The following UBE2E2 variants were observed in gnomAD, a reference collection of about 807,000 sequenced individuals.
UBE2E2 encodes ubiquitin-conjugating enzyme E2 E2.
A neutral mutation model predicts 24.7 loss-of-function variants in UBE2E2; 6 were observed. The ratio of observed to expected loss-of-function variants is 0.24; its 90% CI spans 0.13 to 0.48. UBE2E2 has a LOEUF of 0.48. Among genes scored for constraint, UBE2E2 ranks in the 20% least tolerant of loss-of-function variants. The pLI is 0.99. For synonymous variants in UBE2E2, 104 were observed against 83.6 expected (o/e 1.24, Z -1.33); for missense variants, 169 against 245.0 (o/e 0.69, Z 2.07).
At chr3:23,506,522 C>T (rs926943762) in intron 4 of UBE2E2, among the ~76,000 whole-genome samples, 53 of 152,190 alleles carry the variant, frequency 3.5e-4, no homozygotes, top group African/African-American at 1.3e-3. Context: ...AAACATTTCT[C>T]ACCATCTTTC....
intron 3 of UBE2E2, among the ~76,000 whole-genome samples, chr3:23,299,901 A>G (rs1192456178): frequency 6.6e-6 from 1 of 152,096 alleles, no homozygotes; most frequent in Non-Finnish European, 1.5e-5. Context: ...GTCTCCCATT[A>G]TTAGTGTGTG....
intron 5 of UBE2E2, among the ~76,000 whole-genome samples, chr3:23,570,126 A>G (rs559377350): frequency 3.9e-5 from 6 of 152,278 alleles, no homozygotes; most frequent in Non-Finnish European, 7.4e-5. Flanking sequence ...CTCCATCAAA[A>G]TGCGAGGAAC....
chr3:23,383,976 G>A (rs534618660), intron 3 of UBE2E2, among the ~76,000 whole-genome samples: 12 of 151,192 alleles, frequency 7.9e-5, no homozygotes, highest in South Asian at 2.1e-4. Flanking sequence ...AGCCCTTAAC[G>A]TGCTCAAAGT....
intron 3 of UBE2E2, among the ~76,000 whole-genome samples, chr3:23,416,719 C>T (rs911161314): frequency 6.6e-6 from 1 of 152,240 alleles, no homozygotes; most frequent in South Asian, 2.1e-4. Context: ...TTCACATAGT[C>T]CCATATTTCT....
chr3:23,522,191 C>T (rs1008793105), intron 4 of UBE2E2, among the ~76,000 whole-genome samples: 2 of 143,434 alleles, frequency 1.4e-5, no homozygotes. Flanking sequence ...AGTGCAGTGG[C>T]ACGATCTCAG....
At chr3:23,272,252 C>A (rs996405219) in intron 3 of UBE2E2, among the ~76,000 whole-genome samples, 1 of 152,212 alleles carries the variant, frequency 6.6e-6, no homozygotes, top group South Asian at 2.1e-4. Context: ...GCTCCCTGGC[C>A]TGGGTGCTAA....
At chr3:23,264,129 A>T (rs36060079) in intron 3 of UBE2E2, among the ~76,000 whole-genome samples, 11,316 of 152,244 alleles carry the variant, frequency 0.074, 545 homozygotes, top group Non-Finnish European at 0.092. Flanking sequence ...AGAGTTAAGT[A>T]TCTTACCAAA....
intron 5 of UBE2E2, among the ~76,000 whole-genome samples, chr3:23,549,531 G>A (rs1229532790): frequency 1.3e-5 from 2 of 152,172 alleles, no homozygotes; most frequent in Non-Finnish European, 2.9e-5. Flanking sequence ...TAACTAGCTA[G>A]TGACCTTGGA....
intron 3 of UBE2E2, among the ~76,000 whole-genome samples, chr3:23,415,616 T>G (rs1057350957): frequency 1.3e-5 from 2 of 152,204 alleles, no homozygotes; most frequent in African/African-American, 4.8e-5. Context: ...GTTTTTAAAG[T>G]AGATTACAGG....
At chr3:23,347,710 AAATT>A (rs1188994755) in intron 3 of UBE2E2, among the ~76,000 whole-genome samples, 1 of 152,200 alleles carries the variant, frequency 6.6e-6, no homozygotes, top group Non-Finnish European at 1.5e-5. Context: ...AATAATAAAT[AAATT>A]ACATTTCTTC....
intron 3 of UBE2E2, among the ~76,000 whole-genome samples, chr3:23,366,407 A>T (rs1696256973): frequency 6.6e-6 from 1 of 152,228 alleles, no homozygotes; most frequent in Non-Finnish European, 1.5e-5. Context: ...GAATCAACCT[A>T]AATACCCATC....
intron 3 of UBE2E2, among the ~76,000 whole-genome samples, chr3:23,219,479 G>A (rs1376394392): frequency 1.3e-5 from 2 of 152,178 alleles, no homozygotes; most frequent in South Asian, 2.1e-4. Flanking sequence ...AGATTAGATT[G>A]CAGTGTTAGT....
chr3:23,399,148 A>C (rs1346938250), intron 3 of UBE2E2, among the ~76,000 whole-genome samples: 9 of 152,164 alleles, frequency 5.9e-5, no homozygotes, highest in Admixed American at 2.6e-4. Flanking sequence ...CATAGATAGA[A>C]CATCGTTTCT....
intron 3 of UBE2E2, among the ~76,000 whole-genome samples, chr3:23,352,185 C>T (rs533718592): frequency 3.2e-4 from 48 of 151,074 alleles, no homozygotes; most frequent in Middle Eastern, 6.9e-3. Flanking sequence ...TTGAAACCAA[C>T]GAGAACAAAG....
At chr3:23,294,861 C>A (rs74285196) in intron 3 of UBE2E2, among the ~76,000 whole-genome samples, 1 of 56,170 alleles carries the variant, frequency 1.8e-5, no homozygotes, top group East Asian at 4.4e-4. Context: ...TTGTTATGAC[C>A]AAAAATATAA....
intron 3 of UBE2E2, among the ~76,000 whole-genome samples, chr3:23,298,772 G>C (rs1239922121): frequency 6.6e-6 from 1 of 151,964 alleles, no homozygotes; most frequent in African/African-American, 2.4e-5. Context: ...GTCTCTGCCA[G>C]GCTTTGGTAT....
chr3:23,506,824 G>A (rs912378015), intron 4 of UBE2E2, among the ~76,000 whole-genome samples: 1 of 152,096 alleles, frequency 6.6e-6, no homozygotes, highest in Non-Finnish European at 1.5e-5. Context: ...ATAGAAATGG[G>A]GTTTCGCCAT....
At chr3:23,249,148 G>A (rs1447472585) in intron 3 of UBE2E2, among the ~76,000 whole-genome samples, 2 of 151,944 alleles carry the variant, frequency 1.3e-5, no homozygotes, top group African/African-American at 4.8e-5. Context: ...GCACACACCT[G>A]TAGTCCCAGC....
chr3:23,533,713 C>G (rs1045963106), intron 5 of UBE2E2, among the ~76,000 whole-genome samples: 2 of 150,784 alleles, frequency 1.3e-5, no homozygotes, highest in African/African-American at 4.9e-5. Context: ...ACCTCCGCCT[C>G]CTGGATTCAA....
Sources: gnomAD v4.1 joint callset for allele counts (sites outside exome capture counted in the v4.1 genomes callset) on GRCh38, gnomAD v4.1.1 for gene constraint, MANE v1.5 for transcripts, NCBI Gene and HGNC (gene_info 2026-07-23, HGNC 2026-07-21) for gene names.